The following DEPDC5 variants were observed in gnomAD, a reference collection of about 807,000 sequenced individuals.
DEPDC5 encodes DEP domain containing 5, GATOR1 subcomplex subunit.
Under a neutral mutation model 217.3 loss-of-function variants are expected in DEPDC5, and 73 were observed. The ratio of observed to expected loss-of-function variants is 0.34; its 90% CI spans 0.28 to 0.41. The LOEUF is 0.41. Among genes scored for constraint, DEPDC5 ranks in the 10% least tolerant of loss-of-function variants. The pLI is 1.00. For synonymous variants in DEPDC5, 733 were observed against 756.7 expected (o/e 0.97, Z 0.51); for missense variants, 1,675 against 2,070.1 (o/e 0.81, Z 3.70).
intron 12 of DEPDC5, among the ~76,000 whole-genome samples, chr22:31,793,451 GT>G (rs138940394): frequency 0.025 from 3,817 of 151,704 alleles, 60 homozygotes; most frequent in African/African-American, 0.042. Flanking sequence ...TGATTCATCT[GT>G]TTTTTTCAGT....
At chr22:31,777,258 C>T (rs1017017249) in intron 7 of DEPDC5, among the ~76,000 whole-genome samples, 1 of 143,420 alleles carries the variant, frequency 7.0e-6, no homozygotes, top group Non-Finnish European at 1.5e-5. Flanking sequence ...CTGCACCTGG[C>T]CCTAAGTTTT....
At position 31,879,590 on chromosome 22, in the gene DEPDC5, C is replaced by T. The variant is rs202227830; in HGVS notation, c.3871C>T (p.Arg1291Cys). Residue 1291 changes from arginine (R) to cysteine (C), a missense_variant, in exon 38 of 43, where the codon CGC becomes TGC. This residue lies in a region of DEPDC5 where 194 missense variants were observed against 199.3 expected (regional missense o/e 0.97). Coordinates refer to ENST00000651528, the MANE Select transcript of DEPDC5 (RefSeq NM_001242896.3). ...AGTGGACGACTTCGCCAGCTTCCAG[C>T]GCAAGTGGTTTGAGGTGGCCTTTGT... ...AGVDDFASFQ[R>C]KWFEVAFVAE... 8.7e-6 allele frequency: 14 copies of T among 1,613,762 alleles called. 1 individual carries two copies. The African/African-American group carries it at 9.3e-5, about 11-fold the overall frequency.
rs769703915 is a variant in DEPDC5 at position 31,804,860 on chromosome 22, C to A, written c.1162C>A (p.Pro388Thr). The A allele has an allele frequency of 1.2e-6, 2 of 1,613,980 alleles. No homozygotes were observed. The highest frequency in any genetic ancestry group is 1.1e-5 in the South Asian group (1 of 91,070). The change falls in exon 17 of 43, where the codon CCC becomes ACC. Residue 388 changes from proline to threonine, a missense_variant. By Grantham distance (38) the Pro-to-Thr change is conservative. Transcript: ENST00000651528. ...PLFKLHNRSA[P>T]RDSRLGDDYN... is the part of the protein sequence containing the mutation. ...CTTGCAGCTCCATAATCGGAGTGCT[C>A]CCCGTGATTCTCGTCTGGGCGATGA... is the stretch of plus-strand genomic sequence containing the variant.
intron 24 of DEPDC5, among the ~76,000 whole-genome samples, chr22:31,830,756 CT>C (rs968118595): frequency 4.0e-4 from 56 of 140,336 alleles, no homozygotes; most frequent in East Asian, 1.0e-3. Context: ...TATTTCTTTT[CT>C]TTTTTTTTTT....
chr22:31,818,573 A>C (rs1040282738), intron 21 of DEPDC5, among the ~76,000 whole-genome samples: 5 of 152,226 alleles, frequency 3.3e-5, no homozygotes, highest in Non-Finnish European at 7.3e-5. Context: ...GTCCAGTAGG[A>C]AAATCAAATG....
rs766627084 is a variant in DEPDC5, at chr22:31,837,036, G to C, written c.2235G>C (p.Lys745Asn). 3 of 1,614,024 alleles carry C rather than the reference G, an allele frequency of 1.9e-6. No homozygotes were observed. Among genetic ancestry groups the C allele is most frequent in the Non-Finnish European group, 2.5e-6 (3 of 1,180,034 alleles). Residue 745 changes from lysine to asparagine, a missense_variant, in exon 26 of 43, where the codon AAG (lysine) becomes AAC (asparagine). Lys to Asn is a moderately conservative substitution (Grantham distance 94, BLOSUM62 0). Coordinates refer to ENST00000651528, the MANE Select transcript of DEPDC5 (RefSeq NM_001242896.3). ...GFCCTVGVDW[K>N]SLTTPACLPL... ...GTTGCACAGTTGGAGTGGACTGGAAGTCTCTCACTACTCCGGCGTGCCTCC... is the reference window on the plus strand; with the variant it reads ...GTTGCACAGTTGGAGTGGACTGGAACTCTCTCACTACTCCGGCGTGCCTCC...
intron 1 of DEPDC5, among the ~76,000 whole-genome samples, chr22:31,754,535 A>T (rs191919263): frequency 2.0e-5 from 3 of 152,318 alleles, no homozygotes; most frequent in Admixed American, 2.0e-4. Flanking sequence ...CTCTTTTAAG[A>T]TCTCTTTACT....
At chr22:31,842,239 A>G (rs2091437933) in intron 27 of DEPDC5, among the ~76,000 whole-genome samples, 1 of 152,236 alleles carries the variant, frequency 6.6e-6, no homozygotes, top group African/African-American at 2.4e-5. Context: ...ACTTCAGATG[A>G]TCTGGGATTT....
intron 36 of DEPDC5, chr22:31,875,904 G>A (rs1178341817): frequency 8.2e-6 from 3 of 366,718 alleles, no homozygotes; most frequent in Non-Finnish European, 1.5e-5. Flanking sequence ...AAGTGCTGGG[G>A]TTACAGGCGT....
chr22:31,866,201 G>GTGGGGGGAAAT (rs1265018478), intron 33 of DEPDC5, among the ~76,000 whole-genome samples: 7 of 152,178 alleles, frequency 4.6e-5, no homozygotes, highest in Admixed American at 3.3e-4. Flanking sequence ...GTGCCAGAAA[G>GTGGGGGGAAAT]TGGGGGGAAA....
intron 38 of DEPDC5, 200 bp downstream of exon 38, chr22:31,879,952 C>A (rs534046062): frequency 6.8e-6 from 4 of 590,710 alleles, no homozygotes; most frequent in African/African-American, 3.7e-5. Flanking sequence ...TCCCAACCAA[C>A]AGACGGTATT....
At chr22:31,788,432 G>A (rs1305691381) in intron 10 of DEPDC5, among the ~76,000 whole-genome samples, 2 of 150,498 alleles carry the variant, frequency 1.3e-5, no homozygotes, top group East Asian at 1.9e-4. Context: ...GTGCCACTAT[G>A]CCCGGGCAAT....
chr22:31,810,353 C>A (rs1320451507), intron 19 of DEPDC5, among the ~76,000 whole-genome samples, 168 bp from the exon 20 acceptor site: 1 of 151,964 alleles, frequency 6.6e-6, no homozygotes, highest in Non-Finnish European at 1.5e-5. Flanking sequence ...CCCATTTTTT[C>A]AAGGGGAGAG....
chr22:31,839,712 T>C (rs2091275464), intron 27 of DEPDC5, among the ~76,000 whole-genome samples: 1 of 152,230 alleles, frequency 6.6e-6, no homozygotes, highest in Non-Finnish European at 1.5e-5. Context: ...ATTTATCACA[T>C]GTTGCCTTGT....
At chr22:31,834,015 A>G (rs1306069933) in intron 25 of DEPDC5, 35 bp downstream of exon 25, 3 of 1,604,780 alleles carry the variant, frequency 1.9e-6, no homozygotes, top group South Asian at 2.2e-5. Context: ...AAAGGGGTAG[A>G]CAGGGAGTGT....
At chr22:31,788,538 A>C (rs1259191233) in intron 10 of DEPDC5, among the ~76,000 whole-genome samples, 3 of 150,796 alleles carry the variant, frequency 2.0e-5, no homozygotes, top group Non-Finnish European at 3.0e-5. Flanking sequence ...TTGGCCTCCC[A>C]ATGTGCTGAG....
At chr22:31,788,011 C>G (rs575739529) in intron 10 of DEPDC5, among the ~76,000 whole-genome samples, 4 of 151,962 alleles carry the variant, frequency 2.6e-5, no homozygotes, top group African/African-American at 9.7e-5. Flanking sequence ...GATTATTTCA[C>G]ATTACATGCC....
At chr22:31,857,635 T>A in intron 32 of DEPDC5, 82 bp downstream of exon 32, 1 of 1,186,650 alleles carries the variant, frequency 8.4e-7, no homozygotes, top group Non-Finnish European at 1.2e-6. Context: ...GCCCTTCAGA[T>A]CCGGGATTGC....
Position 31,897,594 on chromosome 22 carries a change from T to C in DEPDC5, c.4316T>C (p.Leu1439Pro). The C allele has an allele frequency of 6.2e-7, 1 of 1,614,072 alleles. No individual in the cohort carries two copies. Among genetic ancestry groups the C allele is most frequent in the Non-Finnish European group, 8.5e-7 (1 of 1,180,012 alleles). Residue 1439 changes from leucine to proline, a missense_variant, in exon 40 of 43, where the codon CTC becomes CCC. Leu to Pro is a moderately conservative substitution (Grantham distance 98). Transcript: ENST00000651528. ...YLYGDPLRAQ[L>P]FIPLNISCLL... Reference sequence around the variant, plus strand: ...TATGGCGACCCCCTTCGTGCCCAGCTCTTCATCCCACTCAACATCAGCTGC... The same window carrying C: ...TATGGCGACCCCCTTCGTGCCCAGCCCTTCATCCCACTCAACATCAGCTGC...
Sources: gnomAD v4.1 joint callset for allele counts (sites outside exome capture counted in the v4.1 genomes callset) on GRCh38, gnomAD v4.1.1 for gene constraint, gnomAD v4.1.1 regional missense constraint, MANE v1.5 for transcripts, NCBI Gene and HGNC (gene_info 2026-07-23, HGNC 2026-07-21) for gene names.